BLTP1: variants seen among roughly 807,000 people sequenced by gnomAD.
The protein encoded by BLTP1 is bridge-like lipid transfer protein family member 1.
chr4:122,187,059 A>G, the BLTP1 span: 4 of 984,994 alleles, frequency 4.1e-6, no homozygotes, highest in Non-Finnish European at 4.8e-6. Context: ...TTGTACCTTA[A>G]TCATTTATGT....
the BLTP1 span, chr4:122,345,144 T>G: frequency 1.6e-6 from 1 of 609,584 alleles, no homozygotes; most frequent in South Asian, 7.2e-5. Flanking sequence ...AAAATATATA[T>G]TAAGCCTGTG....
At chr4:122,182,587 T>C in the BLTP1 span, 1 of 939,308 alleles carries the variant, frequency 1.1e-6, no homozygotes, top group Non-Finnish European at 1.3e-6. Flanking sequence ...TGCATGCTCC[T>C]TGAGGAATAA....
chr4:122,335,478 G>A, the BLTP1 span, among the ~76,000 whole-genome samples: 1 of 152,060 alleles, frequency 6.6e-6, no homozygotes, highest in Admixed American at 6.6e-5. Flanking sequence ...AGAATTATTT[G>A]AGAAAGTTTC....
the BLTP1 span, chr4:122,290,981 C>G: frequency 7.0e-6 from 6 of 858,478 alleles, no homozygotes; most frequent in African/African-American, 9.2e-5. Flanking sequence ...TTGTGGAGTT[C>G]CTAGTATCAG....
chr4:122,175,024 A>G, the BLTP1 span: 1 of 939,548 alleles, frequency 1.1e-6, no homozygotes, highest in Non-Finnish European at 1.3e-6. Flanking sequence ...ATAAGTTTAT[A>G]GAATTGTTTA....
At chr4:122,224,672 C>T in the BLTP1 span, 1 of 1,614,020 alleles carries the variant, frequency 6.2e-7, no homozygotes, top group East Asian at 2.2e-5. Context: ...GGTCACAGCA[C>T]CACAGGTATG....
the BLTP1 span, chr4:122,246,031 C>A: frequency 8.7e-7 from 1 of 1,144,548 alleles, no homozygotes; most frequent in Non-Finnish European, 1.1e-6. Context: ...GGATATAAAA[C>A]TAGAACGCAG....
At chr4:122,355,335 G>T in the BLTP1 span, among the ~76,000 whole-genome samples, 1 of 152,030 alleles carries the variant, frequency 6.6e-6, no homozygotes, top group Non-Finnish European at 1.5e-5. Flanking sequence ...TTCAAGACCA[G>T]GATCCTATTT....
the BLTP1 span, chr4:122,313,775 G>T: frequency 1.3e-6 from 1 of 744,406 alleles, no homozygotes. Flanking sequence ...AGCTAATTCT[G>T]GTGTTCACTA....
chr4:122,337,846 ATATAT>A, the BLTP1 span, among the ~76,000 whole-genome samples: 1 of 148,184 alleles, frequency 6.7e-6, no homozygotes, highest in South Asian at 2.1e-4. Context: ...ACTATACCAA[ATATAT>A]TAGTATATAT....
At chr4:122,160,411 C>T in the BLTP1 span, among the ~76,000 whole-genome samples, 1 of 152,174 alleles carries the variant, frequency 6.6e-6, no homozygotes, top group Non-Finnish European at 1.5e-5. Flanking sequence ...GAGGGTCCTA[C>T]AAATCACTGT....
At chr4:122,227,463 T>G in the BLTP1 span, 2 of 985,230 alleles carry the variant, frequency 2.0e-6, no homozygotes, top group Non-Finnish European at 2.4e-6. Context: ...TTTCTTCCCC[T>G]GATTTTGGAA....
chr4:122,257,358 G>A, the BLTP1 span: 1 of 1,614,104 alleles, frequency 6.2e-7, no homozygotes, highest in South Asian at 1.1e-5. Flanking sequence ...AAAGGAGTTA[G>A]CTTACATAGA....
At chr4:122,224,947 C>G in the BLTP1 span, 8 of 1,239,032 alleles carry the variant, frequency 6.5e-6, no homozygotes, top group African/African-American at 1.5e-5. Flanking sequence ...GGGAAAAATT[C>G]AGGATGAGTA....
the BLTP1 span, chr4:122,315,336 T>C: frequency 3.3e-6 from 4 of 1,224,840 alleles, no homozygotes; most frequent in Middle Eastern, 2.1e-4. Context: ...TCCTGTAGTC[T>C]GATGTTTCTG....
chr4:122,153,640 T>C, the BLTP1 span, among the ~76,000 whole-genome samples: 21 of 152,124 alleles, frequency 1.4e-4, no homozygotes, highest in African/African-American at 5.1e-4. Flanking sequence ...TTTCATTTGA[T>C]AAAAAGTATG....
the BLTP1 span, chr4:122,292,958 C>CA: frequency 0.064 from 29,958 of 467,354 alleles, 867 homozygotes; most frequent in African/African-American, 0.21. Flanking sequence ...AAGGCTAATC[C>CA]AAAAAAAAAA....
the BLTP1 span, among the ~76,000 whole-genome samples, chr4:122,167,469 G>C: frequency 5.3e-5 from 8 of 152,260 alleles, no homozygotes; most frequent in Admixed American, 3.3e-4. Context: ...ATGCCAGGCA[G>C]CCTTCTTGAG....
At chr4:122,243,375 T>A in the BLTP1 span, 1 of 978,834 alleles carries the variant, frequency 1.0e-6, no homozygotes, top group Non-Finnish European at 1.2e-6. Context: ...TTCAATGTAT[T>A]AGCCATCTTT....
Sources: gnomAD v4.1 joint callset for allele counts (sites outside exome capture counted in the v4.1 genomes callset) on GRCh38, gnomAD v4.1.1 for gene constraint, MANE v1.5 for transcripts, NCBI Gene and HGNC (gene_info 2026-07-23, HGNC 2026-07-21) for gene names.